PALD1: variants seen among roughly 807,000 people sequenced by gnomAD.
PALD1 encodes paladin.
Under a neutral mutation model 96.0 loss-of-function variants are expected in PALD1, and 57 were observed. The ratio of observed to expected loss-of-function variants is 0.59; its 90% CI spans 0.48 to 0.74. The LOEUF is 0.74. PALD1 is among the 30% of genes least tolerant of loss of function. The pLI, the probability that PALD1 is intolerant of heterozygous loss-of-function variation, is 0.00. For missense variants in PALD1, 1,063 were observed against 1,143.7 expected, an observed-to-expected ratio of 0.93 and a Z score of 1.02; for synonymous variants, 464 against 473.6, an observed-to-expected ratio of 0.98 and a Z score of 0.26.
intron 10 of PALD1, 124 bp from the exon 11 acceptor site, chr10:70,537,687 C>T: frequency 1.5e-6 from 1 of 661,706 alleles, no homozygotes; most frequent in Non-Finnish European, 2.7e-6. Flanking sequence ...AGAACTGTGT[C>T]ATGAAGGGAG....
chr10:70,464,510 G>A, the PALD1 span, among the ~76,000 whole-genome samples: 3 of 151,880 alleles, frequency 2.0e-5, no homozygotes, highest in Non-Finnish European at 4.4e-5. Context: ...CACCGCACCC[G>A]GCCTGGCTTC....
chr10:70,556,968 C>T (rs988638839), intron 18 of PALD1, among the ~76,000 whole-genome samples: 3 of 152,202 alleles, frequency 2.0e-5, no homozygotes, highest in Non-Finnish European at 2.9e-5. Context: ...CCACAAATGT[C>T]TTTCTAGTGA....
intron 17 of PALD1, 30 bp from the exon 18 acceptor site, chr10:70,547,276 T>C: frequency 6.2e-7 from 1 of 1,610,600 alleles, no homozygotes; most frequent in Non-Finnish European, 8.5e-7. Context: ...ACCAGTTTTA[T>C]GTCTGCTCAC....
rs777852167 is a variant in PALD1, at chr10:70,526,039, C to T, written c.88C>T (p.Arg30Trp). The T allele has an allele frequency of 4.9e-5, 79 of 1,614,032 alleles. No individual in the cohort carries two copies. The highest frequency in any genetic ancestry group is 6.5e-5 in the Non-Finnish European group (77 of 1,180,004). Residue 30 changes from arginine to tryptophan, a missense_variant, in exon 2 of 20, where the codon CGG becomes TGG. By Grantham distance (101) the Arg-to-Trp change is moderately radical. Coordinates refer to ENST00000263563, the MANE Select transcript of PALD1 (RefSeq NM_014431.3). ...GLQGSGTMDS[R>W]HSVSIHSFQS... is the part of the protein sequence containing the mutation. ...ACAGGGCAGTGGCACGATGGACAGT[C>T]GGCACTCCGTCAGCATCCACTCCTT...
the PALD1 span, among the ~76,000 whole-genome samples, chr10:70,460,673 C>G: frequency 6.6e-6 from 1 of 152,172 alleles, no homozygotes; most frequent in Admixed American, 6.5e-5. Flanking sequence ...CCCTGGCCCC[C>G]CAGAATCCAC....
At chr10:70,558,743 T>C (rs1041928048) in intron 18 of PALD1, among the ~76,000 whole-genome samples, 5 of 151,918 alleles carry the variant, frequency 3.3e-5, no homozygotes, top group Admixed American at 2.6e-4. Context: ...AAGGCACGTT[T>C]TAAGAGAAAG....
In PALD1 at chr10:70,508,809, G is replaced by GTGTGTGTGTGTGTA. The variant is rs1235689118; in HGVS notation, c.-29-17104_-29-17103insTGTATGTGTGTGTG. Among the ~76,000 whole-genome samples, 66 of 113,818 alleles carry GTGTGTGTGTGTGTA rather than the reference G, an allele frequency of 5.8e-4. 2 individuals carry two copies. The highest frequency in any genetic ancestry group is 3.4e-3 in the South Asian group (12 of 3,548). The allele number at this position is 113,818 out of a possible 152,430, so 74.7% of individuals were successfully genotyped here. On this transcript the variant is annotated intron_variant, in intron 1 of 19. Transcript: ENST00000263563. ...CGTGTGTGTGTGTGTGTGTGTGTGT[G>GTGTGTGTGTGTGTA]TGTGTGTGTGCAGGCCTGTGGGAGC...
Position 70,566,750 on chromosome 10 carries a change from T to C in PALD1, c.*17T>C. 1.3e-6 allele frequency: 2 copies of C among 1,547,884 alleles called. No individual in the cohort carries two copies. Among genetic ancestry groups the C allele is most frequent in the Non-Finnish European group, 8.8e-7 (1 of 1,141,638 alleles). On this transcript the variant is annotated 3_prime_UTR_variant, in exon 20 of 20. Coordinates refer to ENST00000263563, the MANE Select transcript of PALD1 (RefSeq NM_014431.3). ...TTGCTGTAGGGGGCCTTACTCCCTG[T>C]CCCCCCACCCACAGGGCCCCACGCA...
Position 70,531,338 on chromosome 10 carries a change from G to A in PALD1, c.517G>A (p.Ala173Thr), listed in dbSNP as rs1211825854. 6.2e-7 allele frequency: 1 copy of A among 1,613,914 alleles called. No individual in the cohort carries two copies. Among genetic ancestry groups the A allele is most frequent in the East Asian group, 2.2e-5 (1 of 44,870 alleles). ...GGAGGAACCTGTGCTTTTCCTGCGTGCAGATGAGGACTTTGTGTCCTACAC... is the reference window on the plus strand; with the variant it reads ...GGAGGAACCTGTGCTTTTCCTGCGTACAGATGAGGACTTTGTGTCCTACAC... The part of the protein sequence containing the change: ...VREEPVLFLR[A>T]DEDFVSYTPR... Residue 173 changes from alanine to threonine, a missense_variant, in exon 5 of 20, where the codon GCA (alanine) becomes ACA (threonine). Transcript: ENST00000263563.
At position 70,539,908 on chromosome 10, in the gene PALD1, C is replaced by T. The variant is rs1847207279; in HGVS notation, c.1908+146C>T. 1 of 653,318 alleles carries T rather than the reference C, an allele frequency of 1.5e-6. No individual in the cohort carries two copies. Among genetic ancestry groups the T allele is most frequent in the African/African-American group, 1.8e-5 (1 of 54,256 alleles). 40.5% of individuals were successfully genotyped at this position (653,318 alleles called of 1,614,324 possible). On this transcript the variant is annotated intron_variant, in intron 15 of 19. Coordinates refer to ENST00000263563, the MANE Select transcript of PALD1 (RefSeq NM_014431.3). This position sits in a 1 kb window ranked among gnomAD's most constrained non-coding sequence, Gnocchi z 4.5. ...TCTCACGAGGTTTTCCGATTTGGCC[C>T]AAGTGGTTTATTCACATTCCTTCCA...
chr10:70,542,468 C>T (rs12412872), intron 17 of PALD1, among the ~76,000 whole-genome samples: 23,927 of 152,228 alleles, frequency 0.16, 2,306 homozygotes, highest in Admixed American at 0.22. Flanking sequence ...AGCCCCTGTT[C>T]TACTTTCTGT....
intron 1 of PALD1, among the ~76,000 whole-genome samples, chr10:70,483,212 AG>A (rs1460591838): frequency 6.6e-6 from 1 of 152,050 alleles, no homozygotes; most frequent in African/African-American, 2.4e-5. Context: ...TTTGCAAAGG[AG>A]GAGGGCAAGG....
chr10:70,468,651 G>A, the PALD1 span, among the ~76,000 whole-genome samples: 1 of 151,930 alleles, frequency 6.6e-6, no homozygotes, highest in Non-Finnish European at 1.5e-5. Flanking sequence ...TCTTATGGAC[G>A]GGGTGTAGTG....
chr10:70,519,915 C>T (rs1352325594), intron 1 of PALD1, among the ~76,000 whole-genome samples: 1 of 152,130 alleles, frequency 6.6e-6, no homozygotes, highest in African/African-American at 2.4e-5. Context: ...AGGGGCAAAA[C>T]ATTCAGACCA....
chr10:70,559,098 G>A lies in PALD1; in HGVS notation c.2263-5266G>A, dbSNP rs1181136686. Reference sequence around the variant, plus strand: ...TCTCTCTTTGCTTTCTCCTGGTCCCGCCAGCCTTACCCCTTTCCCTAATTA... The same window carrying A: ...TCTCTCTTTGCTTTCTCCTGGTCCCACCAGCCTTACCCCTTTCCCTAATTA... On this transcript the variant is annotated intron_variant, in intron 18 of 19. Coordinates refer to ENST00000263563, the MANE Select transcript of PALD1 (RefSeq NM_014431.3). Among the ~76,000 whole-genome samples, 7 of 152,144 alleles carry A rather than the reference G, an allele frequency of 4.6e-5. No individual in the cohort carries two copies. In the South Asian group the frequency reaches 1.0e-3, roughly 23 times the overall value.
chr10:70,506,529 T>C (rs1846395073), intron 1 of PALD1, among the ~76,000 whole-genome samples: 1 of 152,216 alleles, frequency 6.6e-6, no homozygotes, highest in South Asian at 2.1e-4. Flanking sequence ...ACATGTTACC[T>C]GCTGCCATTA....
rs1268054990 is a variant in PALD1, at chr10:70,532,988, C to T, written c.795-7C>T. 1.3e-6 allele frequency: 2 copies of T among 1,573,644 alleles called. No individual in the cohort carries two copies. The highest frequency in any genetic ancestry group is 2.3e-5 in the South Asian group (2 of 86,414). Reference sequence around the variant, plus strand: ...CTGCCTGATGGCTGCTCTCCCTCACCTGGCAGGTACCACCGCCTGCCCCTG... The same window carrying T: ...CTGCCTGATGGCTGCTCTCCCTCACTTGGCAGGTACCACCGCCTGCCCCTG... On this transcript the variant is annotated splice_region_variant and splice_polypyrimidine_tract_variant and intron_variant, in intron 6 of 19. Coordinates refer to ENST00000263563, the MANE Select transcript of PALD1 (RefSeq NM_014431.3).
intron 18 of PALD1, among the ~76,000 whole-genome samples, chr10:70,557,390 A>G (rs1488355183): frequency 6.6e-6 from 1 of 152,190 alleles, no homozygotes; most frequent in Non-Finnish European, 1.5e-5. Flanking sequence ...TCCTCTCAGC[A>G]TTGAATCTCT....
chr10:70,534,136 C>T, intron 8 of PALD1, 63 bp downstream of exon 8: 2 of 1,462,310 alleles, frequency 1.4e-6, no homozygotes, highest in South Asian at 2.8e-5. Flanking sequence ...CAGGCTGCCC[C>T]ACAGTGTGGG....
Sources: gnomAD v4.1 joint callset for allele counts (sites outside exome capture counted in the v4.1 genomes callset) on GRCh38, gnomAD v4.1.1 for gene constraint, Gnocchi (gnomAD v3.1) non-coding constraint, MANE v1.5 for transcripts, NCBI Gene and HGNC (gene_info 2026-07-23, HGNC 2026-07-21) for gene names.